RSPRY1: variants seen among roughly 807,000 people sequenced by gnomAD.
The protein encoded by RSPRY1 is ring finger and SPRY domain containing 1.
RSPRY1 carries 23 observed loss-of-function variants against 73.1 expected under a neutral mutation model. The observed-to-expected ratio is 0.31, with a 90% CI of 0.23 to 0.45. The LOEUF (loss-of-function observed/expected upper bound fraction) is 0.45, where lower values mean the gene tolerates loss of function less well. Among genes scored for constraint, RSPRY1 ranks in the 20% least tolerant of loss-of-function variants. The probability of loss-of-function intolerance (pLI) is 1.00; values close to 1 mark genes in which losing one functional copy is unlikely to be tolerated. For synonymous variants in RSPRY1, 226 were observed against 251.4 expected, an observed-to-expected ratio of 0.90 and a Z score of 0.95; for missense variants, 448 against 698.7, an observed-to-expected ratio of 0.64 and a Z score of 4.05.
chr16:57,231,085 C>T, intron 12 of RSPRY1, 82 bp from the exon 13 acceptor site: 1 of 1,334,692 alleles, frequency 7.5e-7, no homozygotes, highest in Non-Finnish European at 1.0e-6. Flanking sequence ...ACTCACCCTG[C>T]CTTTCTGAAA....
chr16:57,238,292 C>T (rs140473520), intron 14 of RSPRY1, among the ~76,000 whole-genome samples: 2 of 152,148 alleles, frequency 1.3e-5, no homozygotes, highest in African/African-American at 4.8e-5. Flanking sequence ...AAAAGAGCAA[C>T]ATGATTTTTT....
chr16:57,213,830 A>G (rs1967430695), intron 5 of RSPRY1, 58 bp from the exon 6 acceptor site: 3 of 1,196,580 alleles, frequency 2.5e-6, no homozygotes, highest in Non-Finnish European at 1.2e-6. Flanking sequence ...GATTGTTACC[A>G]GTGATTTAAA....
chr16:57,227,334 C>G lies in RSPRY1; in HGVS notation c.1162-8C>G. ...CTTGCTAATCTTCTGGGCCTTGTCT[C>G]TCTCCAGGAAGGCTACGGCATTGGG... On this transcript the variant is annotated splice_polypyrimidine_tract_variant and splice_region_variant and intron_variant, in intron 10 of 14. Coordinates refer to ENST00000394420, the MANE Select transcript of RSPRY1 (RefSeq NM_133368.3). 1.2e-6 allele frequency: 2 copies of G among 1,603,940 alleles called. No homozygotes were observed. Among genetic ancestry groups the G allele is most frequent in the Non-Finnish European group, 1.7e-6 (2 of 1,170,852 alleles).
intron 13 of RSPRY1, among the ~76,000 whole-genome samples, chr16:57,234,119 C>T (rs770253220): frequency 2.6e-5 from 4 of 152,144 alleles, no homozygotes; most frequent in Non-Finnish European, 5.9e-5. Flanking sequence ...CCTACCCTCT[C>T]CCGTTTTCTC....
intron 1 of RSPRY1, among the ~76,000 whole-genome samples, chr16:57,199,883 T>G (rs1311380964): frequency 5.4e-5 from 6 of 111,270 alleles, no homozygotes; most frequent in East Asian, 2.5e-4. Flanking sequence ...ACTCATTTTG[T>G]TTTTTTTGTT....
At chr16:57,232,387 A>G (rs2075237127) in intron 13 of RSPRY1, among the ~76,000 whole-genome samples, 1 of 152,194 alleles carries the variant, frequency 6.6e-6, no homozygotes, top group South Asian at 2.1e-4. Context: ...TAGCCCAAGA[A>G]CATAAGGGTT....
intron 13 of RSPRY1, among the ~76,000 whole-genome samples, chr16:57,231,669 CAG>C (rs1228437556): frequency 2.0e-5 from 3 of 152,114 alleles, no homozygotes; most frequent in Non-Finnish European, 4.4e-5. Context: ...GTATAAAAAT[CAG>C]AAAAATATGA....
At chr16:57,201,380 T>G (rs1368897453) in intron 1 of RSPRY1, among the ~76,000 whole-genome samples, 2 of 146,124 alleles carry the variant, frequency 1.4e-5, no homozygotes, top group African/African-American at 2.6e-5. Context: ...GCAGAGGCAC[T>G]CCCCACATCT....
intron 1 of RSPRY1, among the ~76,000 whole-genome samples, chr16:57,192,044 A>C (rs779357184): frequency 2.0e-5 from 3 of 152,208 alleles, no homozygotes; most frequent in Non-Finnish European, 4.4e-5. Context: ...GTTTTTCAAA[A>C]TGGTAAATAT....
chr16:57,200,474 AG>A (rs2074551228), intron 1 of RSPRY1, among the ~76,000 whole-genome samples: 1 of 150,208 alleles, frequency 6.7e-6, no homozygotes, highest in African/African-American at 2.5e-5. Context: ...ACTTCCCAGT[AG>A]GGGCGGCAGG....
At chr16:57,232,381 C>A (rs1267834375) in intron 13 of RSPRY1, among the ~76,000 whole-genome samples, 1 of 152,078 alleles carries the variant, frequency 6.6e-6, no homozygotes, top group Non-Finnish European at 1.5e-5. Context: ...CAGTAATAGC[C>A]CAAGAACATA....
At chr16:57,238,673 T>C (rs1341886042) in intron 14 of RSPRY1, among the ~76,000 whole-genome samples, 15 of 152,188 alleles carry the variant, frequency 9.9e-5, no homozygotes, top group African/African-American at 3.4e-4. Flanking sequence ...CATATGAACT[T>C]TTTACTTGTT....
At chr16:57,205,085 A>C in intron 2 of RSPRY1, 77 bp downstream of exon 2, 1 of 1,105,882 alleles carries the variant, frequency 9.0e-7, no homozygotes, top group Non-Finnish European at 1.3e-6. Flanking sequence ...GGACTCCTTC[A>C]GTTCCTTTAG....
intron 1 of RSPRY1, among the ~76,000 whole-genome samples, chr16:57,193,210 T>A (rs559184995): frequency 6.6e-6 from 1 of 152,270 alleles, no homozygotes; most frequent in East Asian, 1.9e-4. Flanking sequence ...GGGAGGCAAG[T>A]AAAAACGCCT....
chr16:57,218,066 T>C (rs2074969162), intron 8 of RSPRY1, among the ~76,000 whole-genome samples: 1 of 152,248 alleles, frequency 6.6e-6, no homozygotes, highest in Non-Finnish European at 1.5e-5. Context: ...TATTCTGCCA[T>C]TTACGAGCAT....
chr16:57,219,760 T>G (rs1457460657), intron 8 of RSPRY1: 3 of 152,226 alleles, frequency 2.0e-5, no homozygotes, highest in Admixed American at 6.5e-5. Context: ...GTTTCCCCAA[T>G]GTTTTATTTT....
chr16:57,189,738 C>A (rs888923934), intron 1 of RSPRY1, among the ~76,000 whole-genome samples: 2 of 151,398 alleles, frequency 1.3e-5, no homozygotes, highest in African/African-American at 4.9e-5. Flanking sequence ...ACTACAGGTG[C>A]GAGCCACCAC....
In RSPRY1 at chr16:57,204,646, GA is replaced by G. The variant is rs775085121; in HGVS notation, c.-9del. ...TTATGAAAACAGTACTTGGAAAACT[GA>G]AAACTACCTAAATGATCGTCTTTGG... On this transcript the variant is annotated 5_prime_UTR_variant, in exon 2 of 15. An upstream open reading frame in the 5' UTR loses its in-frame stop. Transcript: ENST00000394420. 1.2e-6 allele frequency: 2 copies of G among 1,609,136 alleles called. No individual in the cohort carries two copies. Among genetic ancestry groups the G allele is most frequent in the African/African-American group, 2.7e-5 (2 of 74,790 alleles).
intron 13 of RSPRY1, among the ~76,000 whole-genome samples, chr16:57,231,708 T>C (rs2075223473): frequency 6.6e-6 from 1 of 152,206 alleles, no homozygotes; most frequent in East Asian, 1.9e-4. Context: ...GCAAACTAAC[T>C]TCACGTGAAT....
Sources: gnomAD v4.1 joint callset for allele counts (sites outside exome capture counted in the v4.1 genomes callset) on GRCh38, gnomAD v4.1.1 for gene constraint, MANE v1.5 for transcripts, NCBI Gene and HGNC (gene_info 2026-07-23, HGNC 2026-07-21) for gene names.